The following ADAM22 variants were observed in gnomAD, a reference collection of about 807,000 sequenced individuals.
The protein encoded by ADAM22 is ADAM metallopeptidase domain 22.
Under a neutral mutation model 144.6 loss-of-function variants are expected in ADAM22, and 65 were observed. That is an observed-to-expected ratio of 0.45 (90% CI 0.37 to 0.55). ADAM22 has a LOEUF of 0.55. Ranked by LOEUF, ADAM22 falls within the 20% of genes least tolerant of loss-of-function variation. The pLI is 0.00. For synonymous variants in ADAM22, 391 were observed against 412.6 expected (o/e 0.95, Z 0.63); for missense variants, 974 against 1,184.9 (o/e 0.82, Z 2.61).
intron 3 of ADAM22, among the ~76,000 whole-genome samples, chr7:88,033,824 A>T (rs1465958114): frequency 6.6e-6 from 1 of 151,842 alleles, no homozygotes; most frequent in Admixed American, 6.6e-5. Flanking sequence ...TGTGTCCACC[A>T]CCCCACAGGC....
chr7:88,041,623 G>A (rs1415309037), intron 3 of ADAM22, among the ~76,000 whole-genome samples: 1 of 151,836 alleles, frequency 6.6e-6, no homozygotes, highest in African/African-American at 2.4e-5. Flanking sequence ...TTTTTAATGA[G>A]AGATACACGC....
chr7:88,101,589 A>G (rs1016144325), intron 4 of ADAM22, among the ~76,000 whole-genome samples: 1 of 152,170 alleles, frequency 6.6e-6, no homozygotes, highest in African/African-American at 2.4e-5. Context: ...ATGATATCCT[A>G]TGACCAGCAC....
chr7:88,118,603 A>C (rs1828405662), intron 7 of ADAM22, among the ~76,000 whole-genome samples: 1 of 151,482 alleles, frequency 6.6e-6, no homozygotes, highest in African/African-American at 2.4e-5. Flanking sequence ...TTTTCCCTAA[A>C]GACTTGACTG....
intron 13 of ADAM22, 32 bp from the exon 14 acceptor site, chr7:88,135,948 A>T: frequency 6.3e-7 from 1 of 1,593,036 alleles, no homozygotes; most frequent in East Asian, 2.3e-5. Flanking sequence ...TGTTCACTTT[A>T]TAACAAGGCA....
chr7:88,163,974 A>G (rs544168026), intron 23 of ADAM22, among the ~76,000 whole-genome samples: 2 of 152,104 alleles, frequency 1.3e-5, no homozygotes, highest in Non-Finnish European at 2.9e-5. Context: ...CCTGTTTTGG[A>G]ATTGTAAGCC....
chr7:87,961,469 C>T (rs186332920), intron 2 of ADAM22, among the ~76,000 whole-genome samples: 1 of 152,312 alleles, frequency 6.6e-6, no homozygotes, highest in Non-Finnish European at 1.5e-5. Flanking sequence ...AATGTAATCT[C>T]TTCCCCTCCT....
At chr7:88,173,047 T>C (rs1409235499) in intron 26 of ADAM22, among the ~76,000 whole-genome samples, 1 of 152,054 alleles carries the variant, frequency 6.6e-6, no homozygotes, top group African/African-American at 2.4e-5. Context: ...AAATGTCTCA[T>C]AGGCAACATA....
chr7:88,155,951 G>A lies in ADAM22; in HGVS notation c.1852G>A (p.Asp618Asn), dbSNP rs376104896. ...IGNIPRLGEL[D>N]GEITSTLVVQ... ...CAATATCCCAAGGCTTGGAGAACTC[G>A]ATGGTGAAATCACATCTACTTTAGT... The change falls in exon 22 of 32, where the codon GAT (aspartate) becomes AAT (asparagine). Residue 618 changes from aspartate (D) to asparagine (N), a missense_variant. Physicochemically the swap from Asp to Asn is conservative, Grantham distance 23 (BLOSUM62 1). This residue lies in a region of ADAM22 where 734 missense variants were observed against 950.6 expected (regional missense o/e 0.77). Transcript: ENST00000413139. The A allele has an allele frequency of 9.9e-6, 16 of 1,613,206 alleles. No individual in the cohort carries two copies. Among genetic ancestry groups the A allele is most frequent in the African/African-American group, 4.0e-5 (3 of 74,862 alleles).
intron 24 of ADAM22, among the ~76,000 whole-genome samples, chr7:88,166,928 G>C (rs1327232334): frequency 6.6e-6 from 1 of 152,168 alleles, no homozygotes; most frequent in African/African-American, 2.4e-5. Context: ...GGGCAGACAT[G>C]CTAGGTCTTG....
chr7:88,019,737 T>TAGTA (rs1797320734), intron 3 of ADAM22, among the ~76,000 whole-genome samples: 1 of 143,376 alleles, frequency 7.0e-6, no homozygotes, highest in South Asian at 2.3e-4. Context: ...GTAATCCCAG[T>TAGTA]TACTCAGGAG....
At chr7:88,065,460 A>C (rs560858190) in intron 3 of ADAM22, among the ~76,000 whole-genome samples, 17 of 152,046 alleles carry the variant, frequency 1.1e-4, no homozygotes, top group Non-Finnish European at 2.1e-4. Context: ...AATATAATAC[A>C]TGTTTATTAT....
intron 3 of ADAM22, among the ~76,000 whole-genome samples, chr7:88,049,513 C>T (rs540533622): frequency 6.6e-6 from 1 of 152,314 alleles, no homozygotes; most frequent in Non-Finnish European, 1.5e-5. Flanking sequence ...ATTCTCCTGC[C>T]TCAGCCTCCC....
At chr7:88,096,318 TC>T (rs1314232408) in intron 4 of ADAM22, among the ~76,000 whole-genome samples, 1 of 151,914 alleles carries the variant, frequency 6.6e-6, no homozygotes. Context: ...TTTTGTAATT[TC>T]CTTTTTTCTG....
At chr7:88,018,323 CT>C (rs1041516989) in intron 3 of ADAM22, among the ~76,000 whole-genome samples, 1 of 152,054 alleles carries the variant, frequency 6.6e-6, no homozygotes, top group East Asian at 1.9e-4. Flanking sequence ...GTGTCTTTTT[CT>C]TTTTTTCTTC....
intron 6 of ADAM22, among the ~76,000 whole-genome samples, chr7:88,115,296 G>A (rs1489392953): frequency 6.6e-6 from 1 of 152,108 alleles, no homozygotes; most frequent in East Asian, 1.9e-4. Flanking sequence ...TTCCCTTTGA[G>A]GTGTTCTGAA....
chr7:88,179,844 A>C (rs1846546371), intron 27 of ADAM22, among the ~76,000 whole-genome samples: 1 of 152,254 alleles, frequency 6.6e-6, no homozygotes, highest in South Asian at 2.1e-4. Context: ...AAGCAAAAAT[A>C]TTCTTGTGGG....
intron 3 of ADAM22, among the ~76,000 whole-genome samples, chr7:88,014,730 T>C (rs934187908): frequency 6.6e-6 from 1 of 152,230 alleles, no homozygotes; most frequent in Admixed American, 6.5e-5. Flanking sequence ...AACTGAGAAG[T>C]TGCTTTGAGA....
intron 2 of ADAM22, among the ~76,000 whole-genome samples, chr7:87,959,313 T>C (rs1412615412): frequency 6.6e-6 from 1 of 152,198 alleles, no homozygotes; most frequent in Non-Finnish European, 1.5e-5. Flanking sequence ...AAAAAGATAA[T>C]ATACATAAAG....
At chr7:88,151,197 T>C in intron 19 of ADAM22, 60 bp from the exon 20 acceptor site, 1 of 1,604,352 alleles carries the variant, frequency 6.2e-7, no homozygotes, top group South Asian at 1.1e-5. Flanking sequence ...AGTTTCTTTT[T>C]CAGTTATCTG....
Sources: allele counts gnomAD v4.1 joint callset (sites outside exome capture counted in the v4.1 genomes callset), GRCh38; gene constraint gnomAD v4.1.1; regional missense constraint gnomAD v4.1.1; transcripts MANE v1.5; gene names NCBI Gene and HGNC (gene_info 2026-07-23, HGNC 2026-07-21).